Variants in PLD1 observed in about 807,000 individuals in gnomAD.
PLD1 encodes the protein phospholipase D1.
A neutral mutation model predicts 137.1 loss-of-function variants in PLD1; 112 were observed. The ratio of observed to expected loss-of-function variants is 0.82; its 90% CI spans 0.70 to 0.96. PLD1 has a LOEUF of 0.96. Among genes scored for constraint, PLD1 ranks in the 40% least tolerant of loss-of-function variants. The probability of loss-of-function intolerance (pLI) is 0.00; values close to 1 mark genes in which losing one functional copy is unlikely to be tolerated. For missense variants in PLD1, 1,321 were observed against 1,342.0 expected, an observed-to-expected ratio of 0.98 and a Z score of 0.24; for synonymous variants, 431 against 454.7, an observed-to-expected ratio of 0.95 and a Z score of 0.66.
intron 13 of PLD1, 24 bp from the exon 14 acceptor site, chr3:171,688,900 GATA>G (rs1467586801): frequency 6.4e-7 from 1 of 1,562,770 alleles, no homozygotes; most frequent in Admixed American, 1.7e-5. Flanking sequence ...AATCCCCACT[GATA>G]ATATGCTTTT....
chr3:171,797,657 G>C (rs568620533), intron 1 of PLD1, among the ~76,000 whole-genome samples: 1 of 152,194 alleles, frequency 6.6e-6, no homozygotes, highest in South Asian at 2.1e-4. Flanking sequence ...AGCATATTAT[G>C]GACATTTTTC....
intron 1 of PLD1, among the ~76,000 whole-genome samples, chr3:171,755,602 G>A (rs73879825): frequency 0.014 from 2,146 of 152,084 alleles, 54 homozygotes; most frequent in African/African-American, 0.049. Context: ...CTCTTCTCAG[G>A]GTGATCTCAT....
At chr3:171,735,387 C>G in intron 4 of PLD1, 105 bp downstream of exon 4, 1 of 918,676 alleles carries the variant, frequency 1.1e-6, no homozygotes, top group Non-Finnish European at 1.8e-6. Context: ...CCTCCTGCCT[C>G]AGCCTCCCAA....
At chr3:171,646,187 C>G (rs932047475) in intron 21 of PLD1, among the ~76,000 whole-genome samples, 1 of 152,222 alleles carries the variant, frequency 6.6e-6, no homozygotes, top group South Asian at 2.1e-4. Context: ...GAAAAAGCCT[C>G]GAAAGGAATG....
intron 21 of PLD1, among the ~76,000 whole-genome samples, chr3:171,652,622 G>A (rs1193188486): frequency 6.7e-6 from 1 of 149,846 alleles, no homozygotes; most frequent in African/African-American, 2.5e-5. Flanking sequence ...TTCTTTTTGT[G>A]ACAGGGTCTT....
intron 24 of PLD1, among the ~76,000 whole-genome samples, chr3:171,617,193 A>G (rs1297261420): frequency 2.0e-5 from 3 of 152,332 alleles, no homozygotes; most frequent in South Asian, 2.1e-4. Flanking sequence ...TTGTTAATTT[A>G]TATTTTTGTT....
intron 23 of PLD1, among the ~76,000 whole-genome samples, chr3:171,626,137 C>T (rs1361863906): frequency 6.6e-6 from 1 of 152,040 alleles, no homozygotes; most frequent in African/African-American, 2.4e-5. Flanking sequence ...CTGGAATAAC[C>T]AATACAGAGA....
At chr3:171,603,650 C>G (rs964233612) in intron 26 of PLD1, among the ~76,000 whole-genome samples, 1 of 152,146 alleles carries the variant, frequency 6.6e-6, no homozygotes, top group East Asian at 1.9e-4. Flanking sequence ...TTTTCCCTAA[C>G]TTTTCTTGAA....
In PLD1 at chr3:171,635,589, C is replaced by T. The variant is rs143969242; in HGVS notation, c.2593+7251G>A. ...CTTTAGAAAAATACCTGTTTAGCTG[C>T]TTTGCCCATTTTTTATTTTTTGAGT... On this transcript the variant is annotated intron_variant, in intron 23 of 26. Transcript: ENST00000351298. Among the ~76,000 whole-genome samples, 796 of 152,132 alleles carry T rather than the reference C, an allele frequency of 5.2e-3. 3 individuals carry two copies. The highest frequency in any genetic ancestry group is 0.017 in the African/African-American group (703 of 41,534).
At chr3:171,633,510 T>C (rs1226679818) in intron 23 of PLD1, among the ~76,000 whole-genome samples, 1 of 151,974 alleles carries the variant, frequency 6.6e-6, no homozygotes, top group Non-Finnish European at 1.5e-5. Flanking sequence ...AGGGGAGGGA[T>C]AGCATTAGGA....
At position 171,605,341 on chromosome 3, in the gene PLD1, C is replaced by G. The variant is rs138407990; in HGVS notation, c.2958G>C (p.Val986=). The change falls in exon 26 of 27, where the codon GTG becomes GTC. Residue 986 remains valine (V), a synonymous_variant. Coordinates refer to ENST00000351298, the MANE Select transcript of PLD1 (RefSeq NM_002662.5). ...DPVSDKFFKE[V]WVSTAARNAT... The stretch of plus-strand genomic sequence containing the variant: ...CATTTCGAGCTGCTGTTGAAACCCA[C>G]ACCTCCTTGAAGAATTTGTCACTCA... 3 of 1,613,746 alleles carry G rather than the reference C, an allele frequency of 1.9e-6. No homozygotes were observed. The African/African-American group carries it at 4.0e-5, about 22-fold the overall frequency.
chr3:171,797,131 A>G (rs982075193), intron 1 of PLD1, among the ~76,000 whole-genome samples: 17 of 151,966 alleles, frequency 1.1e-4, no homozygotes, highest in African/African-American at 4.1e-4. Context: ...TCCCACTCCC[A>G]TATACATTCT....
At position 171,687,593 on chromosome 3, in the gene PLD1, AATTTTTTTT is replaced by A; in HGVS notation, c.1540-18_1540-10del. Reference sequence around the variant, plus strand: ...GACTCCATTGCGGCAGGCTGAGAAAAATTTTTTTTTAAAAAAAGACACTGCATAAGACAT... The same window carrying A: ...GACTCCATTGCGGCAGGCTGAGAAAATAAAAAAAGACACTGCATAAGACAT... On this transcript the variant is annotated splice_polypyrimidine_tract_variant and intron_variant, in intron 14 of 26. Coordinates refer to ENST00000351298, the MANE Select transcript of PLD1 (RefSeq NM_002662.5). The A allele has an allele frequency of 6.4e-7, 1 of 1,573,308 alleles. No homozygotes were observed. The highest frequency in any genetic ancestry group is 1.7e-4 in the Middle Eastern group (1 of 5,724).
At chr3:171,618,109 T>C (rs1479566020) in intron 24 of PLD1, among the ~76,000 whole-genome samples, 1 of 151,654 alleles carries the variant, frequency 6.6e-6, no homozygotes, top group East Asian at 1.9e-4. Flanking sequence ...CTAAGGCACT[T>C]GGGGAAGGAA....
rs1735885401 is a variant in PLD1, at chr3:171,642,875, C to A, written c.2558G>T (p.Gly853Val). Reference sequence around the variant, plus strand: ...TAACTGTCCAAGGATGGAATTTTCTCCTCTGCACATGGTTCTGAAAATATG... The same window carrying A: ...TAACTGTCCAAGGATGGAATTTTCTACTCTGCACATGGTTCTGAAAATATG... ...MHFNYRTMCRGENSILGQLKA... is the reference protein window; with the variant it reads ...MHFNYRTMCRVENSILGQLKA... The change falls in exon 23 of 27, where the codon GGA (glycine) becomes GTA (valine). Residue 853 changes from glycine (G) to valine (V), a missense_variant. Gly to Val is a moderately radical substitution (Grantham distance 109). Coordinates refer to ENST00000351298, the MANE Select transcript of PLD1 (RefSeq NM_002662.5). 6.3e-7 allele frequency: 1 copy of A among 1,586,406 alleles called. No individual in the cohort carries two copies. Among genetic ancestry groups the A allele is most frequent in the Admixed American group, 1.7e-5 (1 of 57,880 alleles).
rs58878929 is a variant in PLD1 at position 171,788,250 on chromosome 3, CTTT to C, written c.-32+22146_-32+22148del. On this transcript the variant is annotated intron_variant, in intron 1 of 26. Transcript: ENST00000351298. ...TGTGTTTGTGAGTGCATCTGCACTT[CTTT>C]TTTTTTTTTTTTTTTTTTGTAAAGA... 5.3e-4 allele frequency among the ~76,000 whole-genome samples: 59 copies of C among 110,546 alleles called. No individual in the cohort carries two copies. In the South Asian group the frequency reaches 6.8e-3, roughly 13 times the overall value. The allele number at this position is 110,546 out of a possible 152,430, so 72.5% of individuals were successfully genotyped here.
intron 3 of PLD1, among the ~76,000 whole-genome samples, chr3:171,736,795 G>T (rs1418566929): frequency 6.6e-6 from 1 of 152,160 alleles, no homozygotes; most frequent in African/African-American, 2.4e-5. Flanking sequence ...AGGGACAAAG[G>T]TCACCACCCT....
intron 24 of PLD1, among the ~76,000 whole-genome samples, chr3:171,616,086 T>G (rs1193352673): frequency 1.3e-5 from 2 of 152,244 alleles, no homozygotes; most frequent in Non-Finnish European, 2.9e-5. Context: ...GCAACATTTT[T>G]TCACATGCTT....
chr3:171,677,057 G>T (rs1221094039), intron 17 of PLD1, among the ~76,000 whole-genome samples: 1 of 152,204 alleles, frequency 6.6e-6, no homozygotes, highest in East Asian at 1.9e-4. Flanking sequence ...TTTCACTTAG[G>T]ATTAGATAAT....
Sources: allele counts gnomAD v4.1 joint callset (sites outside exome capture counted in the v4.1 genomes callset), GRCh38; gene constraint gnomAD v4.1.1; transcripts MANE v1.5; gene names NCBI Gene and HGNC (gene_info 2026-07-23, HGNC 2026-07-21).